The following KIF26B variants were observed in gnomAD, a reference collection of about 807,000 sequenced individuals.
KIF26B encodes the protein kinesin family member 26B, also known as kinesin-like protein KIF26B.
Under a neutral mutation model 151.2 loss-of-function variants are expected in KIF26B, and 63 were observed. The ratio of observed to expected loss-of-function variants is 0.42; its 90% confidence interval spans 0.34 to 0.51. KIF26B has a LOEUF of 0.51. Ranked by LOEUF, KIF26B falls within the 20% of genes least tolerant of loss-of-function variation. The pLI is 0.07. For missense variants in KIF26B, 2,813 were observed against 2,913.6 expected, an observed-to-expected ratio of 0.97 and a Z score of 0.79; for synonymous variants, 1,357 against 1,262.1, an observed-to-expected ratio of 1.08 and a Z score of -1.59.
At chr1:245,211,084 G>A (rs1210254554) in intron 2 of KIF26B, among the ~76,000 whole-genome samples, 1 of 152,134 alleles carries the variant, frequency 6.6e-6, no homozygotes, top group Admixed American at 6.6e-5. Context: ...GTTTCCCAGC[G>A]ATGGGCCTGA....
At chr1:245,460,544 G>A (rs186933657) in intron 4 of KIF26B, among the ~76,000 whole-genome samples, 14 of 152,334 alleles carry the variant, frequency 9.2e-5, no homozygotes, top group African/African-American at 2.6e-4. Flanking sequence ...AGCCTTTGCA[G>A]AAAGTTCGCC....
At chr1:245,283,688 G>T (rs896190799) in intron 2 of KIF26B, among the ~76,000 whole-genome samples, 4 of 97,078 alleles carry the variant, frequency 4.1e-5, no homozygotes, top group East Asian at 3.4e-4. Flanking sequence ...CCAAGCTTGA[G>T]AATTTTTTTT....
intron 4 of KIF26B, among the ~76,000 whole-genome samples, chr1:245,513,541 T>G (rs1180187339): frequency 6.6e-6 from 1 of 152,196 alleles, no homozygotes; most frequent in East Asian, 1.9e-4. Context: ...GCCTTACACA[T>G]GGAACGAAGC....
chr1:245,645,981 G>C, intron 9 of KIF26B, 140 bp from the exon 10 acceptor site: 1 of 835,104 alleles, frequency 1.2e-6, no homozygotes, highest in South Asian at 1.9e-5. Context: ...ATTTTTCTGG[G>C]GTTTCCTAGT....
At chr1:245,622,727 A>C (rs2043677570) in intron 9 of KIF26B, among the ~76,000 whole-genome samples, 1 of 152,212 alleles carries the variant, frequency 6.6e-6, no homozygotes, top group Non-Finnish European at 1.5e-5. Flanking sequence ...AACAGGAGGC[A>C]GGCCAGGTAT....
At chr1:245,221,598 T>C (rs1443111939) in intron 2 of KIF26B, among the ~76,000 whole-genome samples, 1 of 152,040 alleles carries the variant, frequency 6.6e-6, no homozygotes, top group Non-Finnish European at 1.5e-5. Flanking sequence ...GTGGAAATGG[T>C]GTTTCACCAT....
At chr1:245,503,377 A>T (rs561216683) in intron 4 of KIF26B, among the ~76,000 whole-genome samples, 11 of 152,332 alleles carry the variant, frequency 7.2e-5, no homozygotes, top group African/African-American at 2.6e-4. Context: ...TGTATATACC[A>T]CATGCCAAAT....
chr1:245,172,131 C>T lies in KIF26B; in HGVS notation c.465+15448C>T, dbSNP rs557823180. Among the ~76,000 whole-genome samples the T allele has an allele frequency of 1.2e-4, 18 of 152,244 alleles. 1 individual carries two copies. In the East Asian group the frequency reaches 2.1e-3, roughly 18 times the overall value. The stretch of plus-strand genomic sequence containing the variant: ...TGTCCAGCATTTCTTTGGCCTTCAC[C>T]GTACATTCGTGTGTCTAGACTTGGT... On this transcript the variant is annotated intron_variant, in intron 2 of 14. Coordinates refer to ENST00000407071, the MANE Select transcript of KIF26B (RefSeq NM_018012.4).
intron 4 of KIF26B, among the ~76,000 whole-genome samples, chr1:245,472,592 A>C (rs915358611): frequency 5.3e-5 from 8 of 152,152 alleles, no homozygotes; most frequent in Non-Finnish European, 1.2e-4. Flanking sequence ...TGGGTTAGGG[A>C]TCTTCAACCG....
chr1:245,236,686 G>A (rs935976857), intron 2 of KIF26B, among the ~76,000 whole-genome samples: 1 of 152,168 alleles, frequency 6.6e-6, no homozygotes, highest in Non-Finnish European at 1.5e-5. Flanking sequence ...TGGTAAGAAT[G>A]TCTAAACCTG....
intron 2 of KIF26B, among the ~76,000 whole-genome samples, chr1:245,242,759 C>T (rs980418920): frequency 2.6e-5 from 4 of 152,132 alleles, no homozygotes; most frequent in Non-Finnish European, 5.9e-5. Flanking sequence ...TCAAGTGATT[C>T]TCCTGCCTCA....
In KIF26B at chr1:245,457,158, A is replaced by G. The variant is rs570892040; in HGVS notation, c.1166+37413A>G. On this transcript the variant is annotated intron_variant, in intron 4 of 14. Coordinates refer to ENST00000407071, the MANE Select transcript of KIF26B (RefSeq NM_018012.4). ...TGGGATTACAGGCATGAGCCACTGCACCCAGCCCATAAATGCTTTTTTAAT... is the reference window on the plus strand; with the variant it reads ...TGGGATTACAGGCATGAGCCACTGCGCCCAGCCCATAAATGCTTTTTTAAT... Among the ~76,000 whole-genome samples the G allele has an allele frequency of 6.0e-4, 91 of 152,288 alleles. 1 individual carries two copies. In the East Asian group the frequency reaches 7.5e-3, roughly 13 times the overall value.
intron 2 of KIF26B, among the ~76,000 whole-genome samples, chr1:245,164,622 C>T (rs1012769564): frequency 6.6e-6 from 1 of 152,166 alleles, no homozygotes; most frequent in Non-Finnish European, 1.5e-5. Context: ...CACATGGTCA[C>T]CATACACAGT....
chr1:245,535,506 C>T (rs1280059768), intron 4 of KIF26B, among the ~76,000 whole-genome samples: 3 of 152,202 alleles, frequency 2.0e-5, no homozygotes, highest in South Asian at 2.1e-4. Context: ...AATCTCTATA[C>T]TGGAAATCAT....
chr1:245,573,342 C>T (rs1715797), intron 5 of KIF26B, among the ~76,000 whole-genome samples: 5,096 of 152,070 alleles, frequency 0.034, 330 homozygotes, highest in African/African-American at 0.12. Flanking sequence ...CCCAACATGA[C>T]GAAACCCCGT....
intron 9 of KIF26B, 125 bp downstream of exon 9, chr1:245,612,101 T>TGAGAGAGA (rs2043532969): frequency 6.0e-6 from 3 of 500,724 alleles, no homozygotes; most frequent in East Asian, 4.4e-5. Flanking sequence ...TGTGTGTGTG[T>TGAGAGAGA]GTGTGAGAGA....
intron 3 of KIF26B, among the ~76,000 whole-genome samples, chr1:245,400,859 T>C (rs765814160): frequency 3.5e-4 from 53 of 152,156 alleles, no homozygotes; most frequent in Non-Finnish European, 6.9e-4. Context: ...TCCCATTATA[T>C]TTCTGTTGGA....
At chr1:245,461,787 G>C (rs1334318037) in intron 4 of KIF26B, among the ~76,000 whole-genome samples, 1 of 152,190 alleles carries the variant, frequency 6.6e-6, no homozygotes, top group Non-Finnish European at 1.5e-5. Context: ...ATTGCCGACA[G>C]AATGCAGATA....
At chr1:245,568,517 A>G (rs1221002551) in intron 5 of KIF26B, among the ~76,000 whole-genome samples, 1 of 152,202 alleles carries the variant, frequency 6.6e-6, no homozygotes, top group Non-Finnish European at 1.5e-5. Flanking sequence ...CTCAAAAAGG[A>G]AAAAGAAAAT....
Sources: gnomAD v4.1 joint callset for allele counts (sites outside exome capture counted in the v4.1 genomes callset) on GRCh38, gnomAD v4.1.1 for gene constraint, MANE v1.5 for transcripts, NCBI Gene and HGNC (gene_info 2026-07-23, HGNC 2026-07-21) for gene names.